Variants in CEMIP observed in about 807,000 individuals in gnomAD.
CEMIP encodes the protein cell migration inducing hyaluronidase 1, also known as cell migration-inducing and hyaluronan-binding protein.
A neutral mutation model predicts 156.9 loss-of-function variants in CEMIP; 105 were observed. That is an observed-to-expected ratio of 0.67 (90% CI 0.57 to 0.79). The LOEUF (loss-of-function observed/expected upper bound fraction) is 0.79, where lower values mean the gene tolerates loss of function less well. Among genes scored for constraint, CEMIP ranks in the 30% least tolerant of loss-of-function variants. The pLI is 0.00. For synonymous variants in CEMIP, 676 were observed against 668.4 expected (o/e 1.01, Z -0.17); for missense variants, 1,457 against 1,769.4 (o/e 0.82, Z 3.17).
intron 1 of CEMIP, among the ~76,000 whole-genome samples, chr15:80,842,237 C>T (rs780774522): frequency 4.0e-4 from 61 of 152,214 alleles, no homozygotes; most frequent in African/African-American, 1.3e-3. Flanking sequence ...TAATGAATTA[C>T]GCACAAAGTA....
intron 1 of CEMIP, among the ~76,000 whole-genome samples, chr15:80,793,142 T>C (rs925111): frequency 0.58 from 88,033 of 152,026 alleles, 28,264 homozygotes; most frequent in East Asian, 0.78. Flanking sequence ...GGTTTTGAGA[T>C]TGACATGGGT....
rs1281634537 is a variant in CEMIP, at chr15:80,895,933, T to G, written c.1284T>G (p.Asp428Glu). 1 of 1,614,058 alleles carries G rather than the reference T, an allele frequency of 6.2e-7. No individual in the cohort carries two copies. Among genetic ancestry groups the G allele is most frequent in the African/African-American group, 1.3e-5 (1 of 74,912 alleles). The change falls in exon 12 of 30, where the codon GAT becomes GAG. Residue 428 changes from aspartate to glutamate, a missense_variant. Coordinates refer to ENST00000394685, the MANE Select transcript of CEMIP (RefSeq NM_001293298.2). ...ACAGCACCATTCTGAACTTGGAGGA[T>G]AATGTACAGTCATGGAAACCTGGAG... ...NVNSTILNLE[D>E]NVQSWKPGDT...
chr15:80,866,443 T>A (rs2141783706), intron 1 of CEMIP, among the ~76,000 whole-genome samples: 1 of 151,882 alleles, frequency 6.6e-6, no homozygotes, highest in African/African-American at 2.4e-5. Flanking sequence ...TACAAAAAAA[T>A]TAGCCAGGCG....
chr15:80,893,146 T>C (rs1388608248), intron 10 of CEMIP, among the ~76,000 whole-genome samples: 1 of 152,068 alleles, frequency 6.6e-6, no homozygotes, highest in African/African-American at 2.4e-5. Flanking sequence ...GGCGCCATTG[T>C]ACTCCAGCCT....
At chr15:80,859,702 T>C (rs1160500193) in intron 1 of CEMIP, among the ~76,000 whole-genome samples, 5 of 152,242 alleles carry the variant, frequency 3.3e-5, no homozygotes, top group Non-Finnish European at 5.9e-5. Context: ...CACCTAGTTA[T>C]TGTGCACCAA....
chr15:80,942,095 G>A, intron 26 of CEMIP, 42 bp downstream of exon 26: 1 of 1,589,900 alleles, frequency 6.3e-7, no homozygotes, highest in Non-Finnish European at 8.6e-7. Context: ...TTGCCGTCCA[G>A]TCGGGCCTAG....
intron 5 of CEMIP, 21 bp downstream of exon 5, chr15:80,879,875 G>C: frequency 4.3e-6 from 7 of 1,613,886 alleles, no homozygotes; most frequent in Non-Finnish European, 5.9e-6. Context: ...CACTCCTACA[G>C]ATCAAATGCT....
intron 1 of CEMIP, among the ~76,000 whole-genome samples, chr15:80,853,288 A>G (rs1469233223): frequency 6.6e-6 from 1 of 152,222 alleles, no homozygotes; most frequent in African/African-American, 2.4e-5. Context: ...TGGATTTATG[A>G]TAAGGACATA....
At chr15:80,808,361 G>A (rs1896569371) in intron 1 of CEMIP, among the ~76,000 whole-genome samples, 1 of 152,116 alleles carries the variant, frequency 6.6e-6, no homozygotes, top group Non-Finnish European at 1.5e-5. Flanking sequence ...GCCCCCCACT[G>A]CCCCCACTTA....
intron 1 of CEMIP, among the ~76,000 whole-genome samples, chr15:80,814,884 C>G (rs1451473091): frequency 1.3e-5 from 2 of 152,136 alleles, no homozygotes; most frequent in Non-Finnish European, 2.9e-5. Context: ...ATGGGAGTCT[C>G]ACTTTCTTGG....
intron 1 of CEMIP, among the ~76,000 whole-genome samples, chr15:80,823,176 A>T (rs951632563): frequency 4.6e-5 from 7 of 152,252 alleles, no homozygotes; most frequent in African/African-American, 1.7e-4. Flanking sequence ...TTTCTTGTTT[A>T]AATGAGAGTA....
intron 10 of CEMIP, among the ~76,000 whole-genome samples, chr15:80,890,120 G>T (rs1289561366): frequency 6.6e-6 from 1 of 152,214 alleles, no homozygotes; most frequent in East Asian, 1.9e-4. Context: ...TCAAGAAAGT[G>T]TTGAGTAAAT....
At chr15:80,931,505 T>C (rs1325424830) in intron 21 of CEMIP, among the ~76,000 whole-genome samples, 1 of 151,982 alleles carries the variant, frequency 6.6e-6, no homozygotes, top group Non-Finnish European at 1.5e-5. Context: ...AATGGAAAAA[T>C]TGGGGAAAAT....
intron 1 of CEMIP, among the ~76,000 whole-genome samples, chr15:80,784,030 G>A (rs1336898776): frequency 1.3e-5 from 2 of 152,144 alleles, no homozygotes; most frequent in Non-Finnish European, 2.9e-5. Flanking sequence ...GTGAGCCCTG[G>A]GGAGCACAAG....
Position 80,931,922 on chromosome 15 carries a change from C to G in CEMIP, c.2676C>G (p.Phe892Leu). The stretch of plus-strand genomic sequence containing the variant: ...CCATCAACATCCAAAACTGCACTTT[C>G]CGAAAGTTTGTGGCCCTGGAGGGCC... Reference protein sequence around the residue: ...DGPINIQNCTFRKFVALEGRH... With the variant: ...DGPINIQNCTLRKFVALEGRH... Residue 892 changes from phenylalanine to leucine, a missense_variant, in exon 22 of 30, where the codon TTC becomes TTG. Phe to Leu is a conservative substitution (Grantham distance 22). Transcript: ENST00000394685. 1 of 1,614,232 alleles carries G rather than the reference C, an allele frequency of 6.2e-7. No homozygotes were observed. The highest frequency in any genetic ancestry group is 8.5e-7 in the Non-Finnish European group (1 of 1,180,042).
chr15:80,931,919 T>C lies in CEMIP; in HGVS notation c.2673T>C (p.Thr891=), dbSNP rs1900929208. The change falls in exon 22 of 30, where the codon ACT becomes ACC. Residue 891 remains threonine, a synonymous_variant. Coordinates refer to ENST00000394685, the MANE Select transcript of CEMIP (RefSeq NM_001293298.2). ...YDGPINIQNC[T]FRKFVALEGR... The stretch of plus-strand genomic sequence containing the variant: ...GCCCCATCAACATCCAAAACTGCAC[T>C]TTCCGAAAGTTTGTGGCCCTGGAGG... 1.9e-6 allele frequency: 3 copies of C among 1,614,262 alleles called. No homozygotes were observed. The highest frequency in any genetic ancestry group is 2.2e-5 in the South Asian group (2 of 91,086).
chr15:80,920,024 T>C, intron 14 of CEMIP, 70 bp from the exon 15 acceptor site: 3 of 1,404,140 alleles, frequency 2.1e-6, no homozygotes, highest in Non-Finnish European at 3.0e-6. Context: ...ATTTAGTGTT[T>C]GCTGAATGCA....
chr15:80,948,724 G>A (rs1200121955), intron 29 of CEMIP, 73 bp from the exon 30 acceptor site: 3 of 1,605,074 alleles, frequency 1.9e-6, no homozygotes, highest in South Asian at 2.2e-5. Context: ...TGGCGATGGG[G>A]AGCCATGGAA....
At chr15:80,844,357 ACAAG>A (rs377221881) in intron 1 of CEMIP, among the ~76,000 whole-genome samples, 72 of 152,348 alleles carry the variant, frequency 4.7e-4, no homozygotes, top group African/African-American at 1.7e-3. Context: ...TGCTCAGGCG[ACAAG>A]CAAAGGCCAT....
Sources: allele counts gnomAD v4.1 joint callset (sites outside exome capture counted in the v4.1 genomes callset), GRCh38; gene constraint gnomAD v4.1.1; transcripts MANE v1.5; gene names NCBI Gene and HGNC (gene_info 2026-07-23, HGNC 2026-07-21).